MZT2A: variants seen among roughly 807,000 people sequenced by gnomAD.
The protein encoded by MZT2A is mitotic-spindle organizing protein 2A.
Under a neutral mutation model 12.4 loss-of-function variants are expected in MZT2A, and 8 were observed. That is an observed-to-expected ratio of 0.64 (90% CI 0.38 to 1.16). The LOEUF (loss-of-function observed/expected upper bound fraction) is 1.16. MZT2A is among the 50% of genes most tolerant of loss of function. The pLI, the probability that MZT2A is intolerant of heterozygous loss-of-function variation, is 0.01. For missense variants in MZT2A, 181 were observed against 223.6 expected, an observed-to-expected ratio of 0.81 and a Z score of 1.22; for synonymous variants, 88 against 107.5, an observed-to-expected ratio of 0.82 and a Z score of 1.12.
intron 2 of MZT2A, among the ~76,000 whole-genome samples, chr2:131,488,128 G>A (rs962933518): frequency 2.0e-5 from 3 of 152,164 alleles, no homozygotes; most frequent in South Asian, 2.1e-4. Context: ...TGTGTGGCTC[G>A]AAGTTCCTGT....
chr2:131,489,947 T>C, intron 2 of MZT2A: 1 of 977,576 alleles, frequency 1.0e-6, no homozygotes, highest in Non-Finnish European at 1.2e-6. Context: ...CAACATCTCC[T>C]GGAGTGACAA....
chr2:131,488,490 A>C (rs551012246), intron 2 of MZT2A, among the ~76,000 whole-genome samples: 84 of 152,158 alleles, frequency 5.5e-4, no homozygotes, highest in East Asian at 2.1e-3. Context: ...TGGAGAACTC[A>C]ACACCCGAGT....
At chr2:131,471,203 C>T (rs1704975741) in intron 3 of MZT2A, among the ~76,000 whole-genome samples, 1 of 139,952 alleles carries the variant, frequency 7.1e-6, no homozygotes, top group Admixed American at 6.7e-5. Context: ...GTGACTGTGT[C>T]AAGCAATGAG....
chr2:131,484,256 C>A (rs534050877), intron 2 of MZT2A, 38 bp from the exon 3 acceptor site: 30 of 1,601,368 alleles, frequency 1.9e-5, no homozygotes, highest in Non-Finnish European at 2.3e-5. Context: ...GGAATGGACG[C>A]GCCCCATAAA....
chr2:131,484,735 G>A (rs1365358781), intron 2 of MZT2A, among the ~76,000 whole-genome samples: 2 of 152,180 alleles, frequency 1.3e-5, no homozygotes, highest in African/African-American at 4.8e-5. Context: ...GATTTTGGAA[G>A]CTCTTTCATT....
At chr2:131,480,365 C>T (rs372026763), downstream of MZT2A, 26 of 1,609,378 alleles carry the variant, frequency 1.6e-5, no homozygotes, top group African/African-American at 3.1e-4. Context: ...GTCCCACGTA[C>T]ACCAACCTCA....
chr2:131,477,249 G>T (rs566449750), intron 2 of MZT2A, among the ~76,000 whole-genome samples: 19 of 151,678 alleles, frequency 1.3e-4, no homozygotes, highest in Non-Finnish European at 2.5e-4. Flanking sequence ...TGTTACCCAG[G>T]CTGGTCTCAA....
intron 2 of MZT2A, among the ~76,000 whole-genome samples, chr2:131,475,585 C>T (rs948759821): frequency 6.6e-6 from 1 of 152,162 alleles, no homozygotes; most frequent in Admixed American, 6.5e-5. Context: ...CCCGCCTCGG[C>T]CTCCCAAAGT....
chr2:131,487,322 A>T (rs1315743874), intron 2 of MZT2A, among the ~76,000 whole-genome samples: 1 of 152,046 alleles, frequency 6.6e-6, no homozygotes, highest in Non-Finnish European at 1.5e-5. Context: ...CTCCACAAAA[A>T]ATTTAAAAAT....
chr2:131,480,000 C>T, downstream of MZT2A: 1 of 1,516,394 alleles, frequency 6.6e-7, no homozygotes, highest in South Asian at 1.3e-5. Flanking sequence ...AGAGAAGCGG[C>T]CCTGGCTTGT....
rs574913714 is a variant in MZT2A, at chr2:131,492,290, G to C, written c.87C>G (p.Arg29=). 547 of 1,556,660 alleles carry C rather than the reference G, an allele frequency of 3.5e-4. 3 individuals are homozygous for C. In the Admixed American group the frequency reaches 4.5e-3, roughly 13 times the overall value. ...TCTCCTCGGTGCTCAGCACCTTCTT[G>C]CGCCGCAGCGCCAGCTTCTGCCGGG... ...EAARQKLALR[R]KKVLSTEEME... The change falls in exon 1 of 3, where the codon CGC becomes CGG. Residue 29 remains arginine, a synonymous_variant. Coordinates refer to ENST00000309451, the MANE Select transcript of MZT2A (RefSeq NM_001085365.2).
At chr2:131,476,408 T>G (rs1360183724) in intron 2 of MZT2A, among the ~76,000 whole-genome samples, 1 of 152,184 alleles carries the variant, frequency 6.6e-6, no homozygotes, top group Non-Finnish European at 1.5e-5. Flanking sequence ...TAGATGAAGC[T>G]GCCGGCCTTT....
At chr2:131,492,922 C>T, upstream of MZT2A, 8 of 1,520,704 alleles carry the variant, frequency 5.3e-6, no homozygotes, top group Non-Finnish European at 6.2e-6. Flanking sequence ...CACTCCCTCC[C>T]CCCGCACTCC....
downstream of MZT2A, among the ~76,000 whole-genome samples, chr2:131,479,811 G>A (rs397834618): frequency 2.0e-5 from 3 of 152,242 alleles, no homozygotes; most frequent in Admixed American, 1.3e-4. Context: ...CTGCACTCTA[G>A]CCTGGGAAAC....
chr2:131,492,782 GGGGGGGGT>G, upstream of MZT2A: 2 of 1,248,414 alleles, frequency 1.6e-6, no homozygotes, highest in Non-Finnish European at 2.1e-6. Flanking sequence ...GTCGCTCTTC[GGGGGGGGT>G]GGGGGGCACT....
intron 2 of MZT2A, chr2:131,490,479 G>GGGA: frequency 1.4e-6 from 2 of 1,405,066 alleles, no homozygotes; most frequent in Non-Finnish European, 1.9e-6. Context: ...CTGGGGTGTG[G>GGGA]GGATGTTGGT....
At chr2:131,490,447 T>C (rs1679244629) in intron 2 of MZT2A, 6 of 1,337,208 alleles carry the variant, frequency 4.5e-6, no homozygotes, top group Non-Finnish European at 5.8e-6. Flanking sequence ...AGGGGCTCTT[T>C]ACACTCACCA....
chr2:131,485,565 C>A (rs1422480921), intron 2 of MZT2A, among the ~76,000 whole-genome samples: 1 of 152,156 alleles, frequency 6.6e-6, no homozygotes, highest in Non-Finnish European at 1.5e-5. Flanking sequence ...GGACTGACCA[C>A]CCTGGCATTA....
At chr2:131,477,239 T>C (rs1018288061) in intron 2 of MZT2A, among the ~76,000 whole-genome samples, 2 of 151,730 alleles carry the variant, frequency 1.3e-5, no homozygotes, top group Non-Finnish European at 2.9e-5. Flanking sequence ...GGACTCACTA[T>C]GTTACCCAGG....
Sources: gnomAD v4.1 joint callset for allele counts (sites outside exome capture counted in the v4.1 genomes callset) on GRCh38, gnomAD v4.1.1 for gene constraint, MANE v1.5 for transcripts, NCBI Gene and HGNC (gene_info 2026-07-23, HGNC 2026-07-21) for gene names.